NSD1: variants seen among roughly 807,000 people sequenced by gnomAD.
The protein encoded by NSD1 is nuclear receptor binding SET domain protein 1.
A neutral mutation model predicts 242.7 loss-of-function variants in NSD1; 26 were observed. The ratio of observed to expected loss-of-function variants is 0.11; its 90% confidence interval spans 0.08 to 0.15. The LOEUF (loss-of-function observed/expected upper bound fraction) is 0.15, where lower values mean the gene tolerates loss of function less well. Ranked by LOEUF, NSD1 falls within the 10% of genes least tolerant of loss-of-function variation. NSD1 has a pLI of 1.00. For synonymous variants in NSD1, 1,106 were observed against 1,178.1 expected (o/e 0.94, Z 1.25); for missense variants, 2,495 against 3,272.8 (o/e 0.76, Z 5.80).
intron 4 of NSD1, among the ~76,000 whole-genome samples, chr5:177,205,480 A>G (rs761552905): frequency 2.6e-5 from 4 of 151,670 alleles, no homozygotes; most frequent in South Asian, 2.1e-4. Context: ...GCTGAGAAAA[A>G]TACCAGCTTA....
intron 12 of NSD1, among the ~76,000 whole-genome samples, chr5:177,253,112 T>C (rs546533835): frequency 1.1e-3 from 175 of 152,236 alleles, no homozygotes; most frequent in Middle Eastern, 6.8e-3. Context: ...AGAGAGGCTT[T>C]TGTATGTGGC....
intron 3 of NSD1, among the ~76,000 whole-genome samples, chr5:177,201,203 T>C (rs1412114227): frequency 6.6e-6 from 1 of 152,004 alleles, no homozygotes; most frequent in East Asian, 1.9e-4. Context: ...TCTGTGTCTT[T>C]TTTGTTGTTT....
chr5:177,265,536 C>T (rs751163186), intron 14 of NSD1: 14 of 815,908 alleles, frequency 1.7e-5, no homozygotes, highest in Non-Finnish European at 2.7e-5. Flanking sequence ...GAATGCTCAG[C>T]CCCTGGGCCC....
intron 18 of NSD1, 88 bp downstream of exon 18, chr5:177,280,922 A>C: frequency 7.2e-7 from 1 of 1,398,058 alleles, no homozygotes; most frequent in Non-Finnish European, 1.0e-6. Flanking sequence ...TTCATCATAG[A>C]AGAAAATAAC....
chr5:177,265,287 A>C, intron 14 of NSD1: 1 of 680,396 alleles, frequency 1.5e-6, no homozygotes, highest in Non-Finnish European at 2.6e-6. Context: ...TAAAAAAAAA[A>C]AGCAAAAGTC....
chr5:177,178,825 CA>C (rs899546166), intron 2 of NSD1, among the ~76,000 whole-genome samples: 14 of 151,440 alleles, frequency 9.2e-5, no homozygotes, highest in Admixed American at 1.3e-4. Flanking sequence ...ATGAATAAGA[CA>C]AAAAAAATGA....
intron 2 of NSD1, among the ~76,000 whole-genome samples, chr5:177,148,517 C>T (rs529096077): frequency 5.9e-5 from 9 of 151,940 alleles, no homozygotes; most frequent in African/African-American, 9.7e-5. Context: ...CTCTGCCTCC[C>T]GGATTCAAGC....
rs1413883952 is a variant in NSD1 at position 177,136,050 on chromosome 5, A to C, written c.927+20A>C. On this transcript the variant is annotated intron_variant, in intron 2 of 22. Coordinates refer to ENST00000439151, the MANE Select transcript of NSD1 (RefSeq NM_022455.5). ...CCATTTGTAAGCAGTTTTTGGTACAACTTAAATATATACATATATGTATAT... is the reference window on the plus strand; with the variant it reads ...CCATTTGTAAGCAGTTTTTGGTACACCTTAAATATATACATATATGTATAT... 1 of 1,590,898 alleles carries C rather than the reference A, an allele frequency of 6.3e-7. No individual in the cohort carries two copies. The highest frequency in any genetic ancestry group is 8.6e-7 in the Non-Finnish European group (1 of 1,159,722).
chr5:177,219,225 C>T (rs937110074), intron 5 of NSD1, among the ~76,000 whole-genome samples: 18 of 151,108 alleles, frequency 1.2e-4, no homozygotes, highest in African/African-American at 3.4e-4. Flanking sequence ...CTCGCTCTGT[C>T]GCCAGGCTGG....
intron 5 of NSD1, among the ~76,000 whole-genome samples, chr5:177,218,623 C>T (rs1380708774): frequency 2.7e-5 from 4 of 150,818 alleles, no homozygotes; most frequent in East Asian, 1.9e-4. Flanking sequence ...GCTGGCGTGC[C>T]GTGGCGCAAT....
chr5:177,214,571 C>A (rs1029257422), intron 5 of NSD1, among the ~76,000 whole-genome samples: 6 of 151,994 alleles, frequency 3.9e-5, no homozygotes, highest in African/African-American at 1.4e-4. Context: ...TAAGTGGAAT[C>A]ATGCAGTATT....
intron 2 of NSD1, among the ~76,000 whole-genome samples, chr5:177,153,680 A>T (rs1385733448): frequency 2.0e-5 from 3 of 152,094 alleles, no homozygotes; most frequent in Admixed American, 6.6e-5. Context: ...TTTTCGAGTG[A>T]TTTATTGATT....
chr5:177,252,536 G>GTTTTTTTTTTTT (rs1362275540), intron 12 of NSD1, among the ~76,000 whole-genome samples: 3 of 98,996 alleles, frequency 3.0e-5, no homozygotes, highest in African/African-American at 1.3e-4. Context: ...AAAGTAAAGT[G>GTTTTTTTTTTTT]TTCTTTTTTT....
At chr5:177,266,214 T>TG in intron 14 of NSD1, 1 of 913,990 alleles carries the variant, frequency 1.1e-6, no homozygotes. Context: ...CACTTGCTGA[T>TG]GATGATGTTC....
intron 2 of NSD1, among the ~76,000 whole-genome samples, chr5:177,156,156 T>G: frequency 6.6e-6 from 1 of 151,338 alleles, no homozygotes; most frequent in Non-Finnish European, 1.5e-5. Context: ...CTCCGTACTC[T>G]TCCCTCGCTC....
intron 3 of NSD1, among the ~76,000 whole-genome samples, chr5:177,198,425 C>A (rs1202688835): frequency 6.6e-6 from 1 of 152,122 alleles, no homozygotes; most frequent in Non-Finnish European, 1.5e-5. Flanking sequence ...TAGATAACCA[C>A]CTTGTTGCTG....
chr5:177,193,989 C>G (rs1226349725), intron 3 of NSD1, among the ~76,000 whole-genome samples: 2 of 152,088 alleles, frequency 1.3e-5, no homozygotes, highest in Non-Finnish European at 2.9e-5. Context: ...GTTGGCCAGG[C>G]TGGTCTCAAA....
intron 2 of NSD1, among the ~76,000 whole-genome samples, chr5:177,180,100 TA>T (rs1239497364): frequency 2.0e-5 from 3 of 150,454 alleles, no homozygotes; most frequent in African/African-American, 7.4e-5. Context: ...TTTATTTATT[TA>T]TTTTTTTTTT....
At chr5:177,161,680 C>CTTTTTTTT (rs57657595) in intron 2 of NSD1, among the ~76,000 whole-genome samples, 170 of 135,036 alleles carry the variant, frequency 1.3e-3, no homozygotes, top group African/African-American at 1.8e-3. Context: ...TTCTTTCTTT[C>CTTTTTTTT]TTTTTTTTTT....
Sources: gnomAD v4.1 joint callset for allele counts (sites outside exome capture counted in the v4.1 genomes callset) on GRCh38, gnomAD v4.1.1 for gene constraint, MANE v1.5 for transcripts, NCBI Gene and HGNC (gene_info 2026-07-23, HGNC 2026-07-21) for gene names.